The following CEACAM5 variants were observed in gnomAD, a reference collection of about 807,000 sequenced individuals.
The protein encoded by CEACAM5 is CEA cell adhesion molecule 5, also known as cell adhesion molecule CEACAM5.
Under a neutral mutation model 63.0 loss-of-function variants are expected in CEACAM5, and 52 were observed. The ratio of observed to expected loss-of-function variants is 0.83; its 90% CI spans 0.66 to 1.04. The LOEUF is 1.04. Ranked by LOEUF, CEACAM5 falls within the 50% of genes least tolerant of loss-of-function variation. CEACAM5 has a pLI of 0.00. For missense variants in CEACAM5, 790 were observed against 864.8 expected, an observed-to-expected ratio of 0.91 and a Z score of 1.08; for synonymous variants, 357 against 351.3, an observed-to-expected ratio of 1.02 and a Z score of -0.18.
At chr19:41,710,495 GA>G (rs1470952754) in intron 2 of CEACAM5, among the ~76,000 whole-genome samples, 1 of 152,194 alleles carries the variant, frequency 6.6e-6, no homozygotes, top group Non-Finnish European at 1.5e-5. Context: ...TGGAAGCAAG[GA>G]CTTAGCAGCT....
At chr19:41,710,379 AC>A (rs1176745766) in intron 2 of CEACAM5, among the ~76,000 whole-genome samples, 4 of 152,018 alleles carry the variant, frequency 2.6e-5, no homozygotes, top group Admixed American at 6.5e-5. Flanking sequence ...GGCCTGAGGG[AC>A]CCCTGGGATA....
rs782543323 is a variant in CEACAM5, at chr19:41,718,117, C to G, written c.1238-11C>G. On this transcript the variant is annotated splice_polypyrimidine_tract_variant and intron_variant, in intron 5 of 9. Transcript: ENST00000221992. ...TGACATTCACCTGTGGCCCTATTCTCTTTGCTCCAGATGGCCCAGACGACC... is the reference window on the plus strand; with the variant it reads ...TGACATTCACCTGTGGCCCTATTCTGTTTGCTCCAGATGGCCCAGACGACC... The G allele has an allele frequency of 6.2e-7, 1 of 1,613,816 alleles. No homozygotes were observed. The highest frequency in any genetic ancestry group is 8.5e-7 in the Non-Finnish European group (1 of 1,179,866).
At chr19:41,717,184 G>C (rs1203424019) in intron 4 of CEACAM5, among the ~76,000 whole-genome samples, 4 of 152,208 alleles carry the variant, frequency 2.6e-5, no homozygotes, top group African/African-American at 4.8e-5. Context: ...TGGGGGCTGT[G>C]ACCCCCAGCC....
chr19:41,729,994 C>T lies in CEACAM5; in HGVS notation c.*847C>T, dbSNP rs2072749344. Among the ~76,000 whole-genome samples, 1 of 152,120 alleles carries T rather than the reference C, an allele frequency of 6.6e-6. No individual in the cohort carries two copies. Among genetic ancestry groups the T allele is most frequent in the Non-Finnish European group, 1.5e-5 (1 of 68,000 alleles). On this transcript the variant is annotated 3_prime_UTR_variant, in exon 10 of 10. Transcript: ENST00000221992. ...AATGTCGTATTTGAGGATATAAACC[C>T]ATAGGTAATAAACCCACAGGTACTA...
chr19:41,717,196 T>C (rs1229621556), intron 4 of CEACAM5, among the ~76,000 whole-genome samples: 2 of 152,256 alleles, frequency 1.3e-5, no homozygotes, highest in African/African-American at 2.4e-5. Context: ...CCCCCAGCCC[T>C]GTGTCTGTCC....
chr19:41,721,246 A>C, intron 8 of CEACAM5, 70 bp downstream of exon 8: 1 of 1,544,630 alleles, frequency 6.5e-7, no homozygotes, highest in Non-Finnish European at 8.9e-7. Context: ...CCAAAGAGCC[A>C]AGAAGACATT....
chr19:41,717,363 G>A, intron 4 of CEACAM5, 92 bp from the exon 5 acceptor site: 1 of 1,373,932 alleles, frequency 7.3e-7, no homozygotes, highest in Non-Finnish European at 1.0e-6. Context: ...CAGTTGGGCT[G>A]AGAGGTGGGA....
chr19:41,719,783 A>T, intron 6 of CEACAM5, 147 bp from the exon 7 acceptor site: 1 of 1,422,998 alleles, frequency 7.0e-7, no homozygotes, highest in Non-Finnish European at 9.5e-7. Context: ...AGATCATCGT[A>T]CATCTGTCTT....
At chr19:41,715,556 T>C in intron 3 of CEACAM5, 94 bp from the exon 4 acceptor site, 1 of 1,498,228 alleles carries the variant, frequency 6.7e-7, no homozygotes, top group Admixed American at 1.7e-5. Flanking sequence ...AGGATTGTGA[T>C]TCAGCTTAGA....
Position 41,720,938 on chromosome 19 carries a change from C to T in CEACAM5, c.1788C>T (p.Pro596=). The change falls in exon 8 of 10, where the codon CCC becomes CCT. Residue 596 remains proline, a synonymous_variant. Coordinates refer to ENST00000221992, the MANE Select transcript of CEACAM5 (RefSeq NM_004363.6). ...TTGTTCCAGATGGGCCGGACACCCC[C>T]ATCATTTCCCCCCCAGACTCGTCTT... The part of the protein sequence containing the change: ...TLDVLYGPDT[P]IISPPDSSYL... 1.2e-6 allele frequency: 2 copies of T among 1,614,090 alleles called. No homozygotes were observed. Among genetic ancestry groups the T allele is most frequent in the Non-Finnish European group, 1.7e-6 (2 of 1,180,002 alleles).
downstream of CEACAM5, among the ~76,000 whole-genome samples, chr19:41,730,438 A>G (rs1233476511): frequency 1.4e-5 from 2 of 144,594 alleles, no homozygotes; most frequent in Admixed American, 6.9e-5. Flanking sequence ...AAAAAAGTCT[A>G]TGTGGTCAGT....
intron 8 of CEACAM5, among the ~76,000 whole-genome samples, chr19:41,724,886 G>C (rs779772870): frequency 5.3e-4 from 80 of 152,136 alleles, no homozygotes; most frequent in Non-Finnish European, 9.8e-4. Flanking sequence ...GTTTTCTACA[G>C]AGAAGTCCAA....
intron 2 of CEACAM5, among the ~76,000 whole-genome samples, chr19:41,714,266 G>A (rs782224844): frequency 3.3e-5 from 5 of 152,072 alleles, no homozygotes; most frequent in African/African-American, 7.2e-5. Flanking sequence ...TGTTAAATCC[G>A]GGCAGCTCCT....
intron 8 of CEACAM5, among the ~76,000 whole-genome samples, chr19:41,722,363 C>CAAAAAAAA (rs35093497): frequency 1.1e-5 from 1 of 87,552 alleles, no homozygotes. Flanking sequence ...GACTACATCA[C>CAAAAAAAA]AAAAAAAAAA....
chr19:41,723,891 G>A (rs1280801166), intron 8 of CEACAM5, among the ~76,000 whole-genome samples: 3 of 150,584 alleles, frequency 2.0e-5, no homozygotes, highest in African/African-American at 7.4e-5. Flanking sequence ...ATAGCTTGCA[G>A]TGAGCTGAGA....
chr19:41,711,428 A>G (rs541448697), intron 2 of CEACAM5, among the ~76,000 whole-genome samples: 3 of 152,296 alleles, frequency 2.0e-5, no homozygotes, highest in South Asian at 2.1e-4. Flanking sequence ...GAAGGGGGGA[A>G]TGAGTGAAGG....
intron 3 of CEACAM5, 59 bp downstream of exon 3, chr19:41,715,308 G>A: frequency 6.2e-7 from 1 of 1,607,090 alleles, no homozygotes; most frequent in Non-Finnish European, 8.5e-7. Flanking sequence ...AGGGCCAGAG[G>A]CAGGATTTCT....
intron 5 of CEACAM5, 91 bp from the exon 6 acceptor site, chr19:41,718,037 G>T (rs1197362227): frequency 6.7e-7 from 1 of 1,492,620 alleles, no homozygotes. Context: ...TTGTGACTTG[G>T]CTCAGGGGGA....
At chr19:41,715,595 G>A in intron 3 of CEACAM5, 55 bp from the exon 4 acceptor site, 4 of 1,605,672 alleles carry the variant, frequency 2.5e-6, no homozygotes, top group Non-Finnish European at 3.4e-6. Context: ...CATAGACCAG[G>A]AACTTCCACT....
Sources: allele counts gnomAD v4.1 joint callset (sites outside exome capture counted in the v4.1 genomes callset), GRCh38; gene constraint gnomAD v4.1.1; transcripts MANE v1.5; gene names NCBI Gene and HGNC (gene_info 2026-07-23, HGNC 2026-07-21).